PDZD7: variants seen among roughly 807,000 people sequenced by gnomAD.
PDZD7 encodes the protein PDZ domain-containing protein 7.
Under a neutral mutation model 84.7 loss-of-function variants are expected in PDZD7, and 72 were observed. The ratio of observed to expected loss-of-function variants is 0.85; its 90% confidence interval spans 0.70 to 1.03. The LOEUF is 1.03. Among genes scored for constraint, PDZD7 ranks in the 50% least tolerant of loss-of-function variants. The pLI is 0.00. For synonymous variants in PDZD7, 594 were observed against 580.7 expected, an observed-to-expected ratio of 1.02 and a Z score of -0.33; for missense variants, 1,490 against 1,412.9, an observed-to-expected ratio of 1.05 and a Z score of -0.87.
Position 101,019,098 on chromosome 10 carries a change from A to C in PDZD7, c.1048T>G (p.Cys350Gly), listed in dbSNP as rs1305744796. ...CTGCCGGGCTCCTCCTGCCCGAGGC[A>C]GATGTCCATGCGGTCCGACGGCAGG... Reference protein sequence around the residue: ...GSLPSDRMDICLGQEEPGSRG... With the variant: ...GSLPSDRMDIGLGQEEPGSRG... Residue 350 changes from cysteine to glycine, a missense_variant, in exon 8 of 17, where the codon TGC becomes GGC. By Grantham distance (159) the Cys-to-Gly change is radical. Coordinates refer to ENST00000619208, the MANE Select transcript of PDZD7 (RefSeq NM_001195263.2). 1.9e-6 allele frequency: 3 copies of C among 1,562,086 alleles called. No individual in the cohort carries two copies. Among genetic ancestry groups the C allele is most frequent in the Non-Finnish European group, 2.6e-6 (3 of 1,160,994 alleles).
Position 101,018,815 on chromosome 10 carries a change from C to T in PDZD7, c.1324+7G>A. ...GAGGGAGCAGCCGCCACCCATCCCC[C>T]ACGTACCCCACAAGGTCAGATAGCT... On this transcript the variant is annotated splice_region_variant and intron_variant, in intron 8 of 16. Transcript: ENST00000619208. 6.3e-7 allele frequency: 1 copy of T among 1,585,152 alleles called. No individual in the cohort carries two copies.
rs1054390142 is a variant in PDZD7, at chr10:101,023,476, G to T, written c.502C>A (p.Arg168Ser). 2 of 1,614,074 alleles carry T rather than the reference G, an allele frequency of 1.2e-6. No individual in the cohort carries two copies. Among genetic ancestry groups the T allele is most frequent in the African/African-American group, 2.7e-5 (2 of 75,010 alleles). ...TTGGAGAACTTGATGCCCGGCACACGGCCCATGCGCCGAACCATCATGTGC... is the reference window on the plus strand; with the variant it reads ...TTGGAGAACTTGATGCCCGGCACACTGCCCATGCGCCGAACCATCATGTGC... Reference protein sequence around the residue: ...RLHMMVRRMGRVPGIKFSKEK... With the variant: ...RLHMMVRRMGSVPGIKFSKEK... Residue 168 changes from arginine to serine, a missense_variant, in exon 4 of 17, where the codon CGT becomes AGT. Arg to Ser is a moderately radical substitution (Grantham distance 110, BLOSUM62 -1). Transcript: ENST00000619208.
intron 15 of PDZD7, 21 bp downstream of exon 15, chr10:101,010,251 C>T (rs945016895): frequency 2.0e-6 from 3 of 1,506,014 alleles, no homozygotes; most frequent in Admixed American, 2.0e-5. Flanking sequence ...CTCTGCCGGG[C>T]CCAGTCCCAC....
At position 101,008,460 on chromosome 10, in the gene PDZD7, G is replaced by C. The variant is rs1343621869; in HGVS notation, c.*7C>G. 3 of 1,497,538 alleles carry C rather than the reference G, an allele frequency of 2.0e-6. No individual in the cohort carries two copies. The highest frequency in any genetic ancestry group is 1.4e-5 in the African/African-American group (1 of 72,400). 92.8% of individuals were successfully genotyped at this position (1,497,538 alleles called of 1,614,324 possible). Reference sequence around the variant, plus strand: ...GTCAGTGGGTGAATCTGAGGTTAGGGGGAGGGTCATGGGATGCGTGGGGAG... The same window carrying C: ...GTCAGTGGGTGAATCTGAGGTTAGGCGGAGGGTCATGGGATGCGTGGGGAG... On this transcript the variant is annotated 3_prime_UTR_variant, in exon 17 of 17. Coordinates refer to ENST00000619208, the MANE Select transcript of PDZD7 (RefSeq NM_001195263.2).
chr10:101,009,737 A>G (rs200564939), intron 15 of PDZD7, among the ~76,000 whole-genome samples: 2 of 147,160 alleles, frequency 1.4e-5, no homozygotes, highest in African/African-American at 5.1e-5. Context: ...CCTCCCTAGT[A>G]GCTGGGATTA....
At position 101,012,208 on chromosome 10, in the gene PDZD7, G is replaced by A. The variant is rs1157318782; in HGVS notation, c.1800C>T (p.Ile600=). The change falls in exon 12 of 17, where the codon ATC becomes ATT. Residue 600 remains isoleucine, a synonymous_variant. Coordinates refer to ENST00000619208, the MANE Select transcript of PDZD7 (RefSeq NM_001195263.2). ...IEDLVRPLLA[I]LDRPEKLLLL... ...GTAGCAGCTTCTCCGGCCTGTCGAGGATGGCCAGCAGGGGCCTCACCAGGT... is the reference window on the plus strand; with the variant it reads ...GTAGCAGCTTCTCCGGCCTGTCGAGAATGGCCAGCAGGGGCCTCACCAGGT... The A allele has an allele frequency of 2.6e-6, 4 of 1,550,418 alleles. No homozygotes were observed. Among genetic ancestry groups the A allele is most frequent in the Non-Finnish European group, 2.6e-6 (3 of 1,146,988 alleles).
intron 9 of PDZD7, chr10:101,017,468 C>G: frequency 1.8e-6 from 1 of 571,198 alleles, no homozygotes; most frequent in Non-Finnish European, 3.2e-6. Context: ...CTCAAGTGAT[C>G]TTGCTGCTTC....
At chr10:101,021,992 C>T (rs547333021) in intron 5 of PDZD7, 47 bp from the exon 6 acceptor site, 26 of 1,607,656 alleles carry the variant, frequency 1.6e-5, no homozygotes, top group African/African-American at 9.3e-5. Flanking sequence ...GCCTGCCCTC[C>T]GTTACCCCAC....
At chr10:101,017,845 A>AAGAAAGAAAG (rs1852732977) in intron 9 of PDZD7, 1 of 320,624 alleles carries the variant, frequency 3.1e-6, no homozygotes, top group Admixed American at 6.6e-5. Flanking sequence ...GAAGGAAAGA[A>AAGAAAGAAAG]AGAAAGAAAG....
At position 101,010,493 on chromosome 10, in the gene PDZD7, G is replaced by C. The variant is rs765565547; in HGVS notation, c.2396C>G (p.Pro799Arg). ...CATGCTGGGGGCAGGGGTAGGCACC[G>C]GGGATGGGGAGCGTCTACCTGGAGA... ...GKSPGRRSPS[P>R]VPTPAPSMTN... The change falls in exon 15 of 17, where the codon CCG becomes CGG. Residue 799 changes from proline to arginine, a missense_variant. Pro to Arg is a moderately radical substitution (Grantham distance 103, BLOSUM62 -2). Transcript: ENST00000619208. 577 of 1,534,390 alleles carry C rather than the reference G, an allele frequency of 3.8e-4. No homozygotes were observed. The highest frequency in any genetic ancestry group is 4.9e-4 in the Non-Finnish European group (557 of 1,145,646).
intron 9 of PDZD7, chr10:101,017,866 A>AGGAAG (rs757151762): frequency 1.8e-5 from 8 of 434,752 alleles, no homozygotes; most frequent in African/African-American, 1.2e-4. Flanking sequence ...AAAGAAAGAA[A>AGGAAG]GAAAGAAAGA....
intron 6 of PDZD7, among the ~76,000 whole-genome samples, chr10:101,021,541 G>A (rs992002689): frequency 5.3e-5 from 8 of 152,224 alleles, no homozygotes; most frequent in African/African-American, 1.9e-4. Flanking sequence ...TAAGAAGGGG[G>A]CACCACTCTA....
intron 8 of PDZD7, 21 bp downstream of exon 8, chr10:101,018,801 C>T (rs1305354603): frequency 6.4e-7 from 1 of 1,567,188 alleles, no homozygotes; most frequent in East Asian, 2.3e-5. Flanking sequence ...AGGGAGCAGC[C>T]GCCACCCATC....
intron 11 of PDZD7, 82 bp downstream of exon 11, chr10:101,015,554 C>A: frequency 6.7e-7 from 1 of 1,483,036 alleles, no homozygotes; most frequent in South Asian, 1.3e-5. Context: ...AGACACTGGT[C>A]AGTGGACAGT....
chr10:101,030,533 G>A (rs1015622746), intron 1 of PDZD7, 149 bp from the exon 2 acceptor site: 4 of 539,004 alleles, frequency 7.4e-6, no homozygotes, highest in Admixed American at 6.1e-5. Context: ...GAACTGCCCC[G>A]TCCAGGCACC....
At position 101,024,062 on chromosome 10, in the gene PDZD7, C is replaced by T. The variant is rs766557845; in HGVS notation, c.233G>A (p.Ser78Asn). The T allele has an allele frequency of 3.1e-6, 5 of 1,614,170 alleles. No homozygotes were observed. In the South Asian group the frequency reaches 4.4e-5, roughly 14 times the overall value. ...ILINSPIEAN[S>N]DESDIIHSVR... ...TGAATGGATGATGTCACTTTCATCA[C>T]TGTTGGCTGTGAGGACAGGGATTTA... The change falls in exon 3 of 17, where the codon AGT becomes AAT. Residue 78 changes from serine to asparagine, a missense_variant. Coordinates refer to ENST00000619208, the MANE Select transcript of PDZD7 (RefSeq NM_001195263.2).
At chr10:101,021,000 G>C (rs946510991) in intron 6 of PDZD7, among the ~76,000 whole-genome samples, 2 of 152,192 alleles carry the variant, frequency 1.3e-5, no homozygotes, top group Admixed American at 1.3e-4. Flanking sequence ...TCTCCCTCCA[G>C]TAGCAGAGAA....
chr10:101,017,786 CA>C (rs370482213), intron 9 of PDZD7: 16,519 of 304,648 alleles, frequency 0.054, no homozygotes, highest in East Asian at 0.13. Context: ...AACTCCATCT[CA>C]AAAAAAAAAA....
chr10:101,022,596 C>CTTT (rs1315085387), intron 4 of PDZD7, among the ~76,000 whole-genome samples: 1 of 140,932 alleles, frequency 7.1e-6, no homozygotes, highest in Non-Finnish European at 1.6e-5. Flanking sequence ...AGGACCATTC[C>CTTT]TTTTTTTTTT....
Sources: allele counts gnomAD v4.1 joint callset (sites outside exome capture counted in the v4.1 genomes callset), GRCh38; gene constraint gnomAD v4.1.1; transcripts MANE v1.5; gene names NCBI Gene and HGNC (gene_info 2026-07-23, HGNC 2026-07-21).